The following ATP13A5 variants were observed in gnomAD, a reference collection of about 807,000 sequenced individuals.
ATP13A5 encodes the protein probable cation-transporting ATPase 13A5.
Under a neutral mutation model 150.2 loss-of-function variants are expected in ATP13A5, and 149 were observed. That is an observed-to-expected ratio of 0.99 (90% CI 0.87 to 1.14). The LOEUF (loss-of-function observed/expected upper bound fraction) is 1.14, where lower values mean the gene tolerates loss of function less well. Ranked by LOEUF, ATP13A5 falls within the 50% of genes most tolerant of loss-of-function variation. The pLI is 0.00. For synonymous variants in ATP13A5, 497 were observed against 522.2 expected (o/e 0.95, Z 0.66); for missense variants, 1,383 against 1,449.3 (o/e 0.95, Z 0.74).
At position 193,284,919 on chromosome 3, in the gene ATP13A5, G is replaced by T. The variant is rs375097758; in HGVS notation, c.3221C>A (p.Thr1074Lys). ...ATTAAACTTTATATACTTACAGTTT[G>T]TATAGATGGGTTTTCGAAATGGCTT... ...KGKPFRKPIY[T>K]NYIFSFLLLA... The change falls in exon 27 of 30, where the codon ACA becomes AAA. Residue 1074 changes from threonine to lysine, a missense_variant. Thr to Lys is a moderately conservative substitution (Grantham distance 78). Coordinates refer to ENST00000342358, the MANE Select transcript of ATP13A5 (RefSeq NM_198505.4). 2 of 1,611,918 alleles carry T rather than the reference G, an allele frequency of 1.2e-6. No individual in the cohort carries two copies. The highest frequency in any genetic ancestry group is 1.7e-6 in the Non-Finnish European group (2 of 1,178,454).
rs1425005855 is a variant in ATP13A5 at position 193,327,029 on chromosome 3, T to C, written c.1490A>G (p.Asp497Gly). Reference protein sequence around the residue: ...KTGTLTEDGLDLWGTVPTADN... With the variant: ...KTGTLTEDGLGLWGTVPTADN... ...AGCAGTAGGGACAGTCCCCCAGAGGTCCAGCCCATCTTCAGTGAGAGTGCC... is the reference window on the plus strand; with the variant it reads ...AGCAGTAGGGACAGTCCCCCAGAGGCCCAGCCCATCTTCAGTGAGAGTGCC... Residue 497 changes from aspartate to glycine, a missense_variant, in exon 13 of 30, where the codon GAC becomes GGC. By Grantham distance (94) the Asp-to-Gly change is moderately conservative. Transcript: ENST00000342358. The C allele has an allele frequency of 1.9e-6, 3 of 1,611,100 alleles. No homozygotes were observed. Among genetic ancestry groups the C allele is most frequent in the Non-Finnish European group, 1.7e-6 (2 of 1,179,412 alleles).
intron 6 of ATP13A5, 34 bp downstream of exon 6, chr3:193,354,092 AT>A: frequency 6.6e-7 from 1 of 1,521,864 alleles, no homozygotes; most frequent in Non-Finnish European, 8.8e-7. Flanking sequence ...GCAGAAATCT[AT>A]TTTTTCAAAA....
intron 25 of ATP13A5, among the ~76,000 whole-genome samples, chr3:193,296,644 C>G (rs556599138): frequency 1.3e-4 from 20 of 151,886 alleles, no homozygotes; most frequent in African/African-American, 4.1e-4. Context: ...GTTCTTTTTG[C>G]TTATGATTGT....
In ATP13A5 at chr3:193,307,270, G is replaced by A. The variant is rs375251485; in HGVS notation, c.2568+57C>T. 5.0e-5 allele frequency: 81 copies of A among 1,612,500 alleles called. No homozygotes were observed. The East Asian group carries it at 1.3e-3, about 26-fold the overall frequency. On this transcript the variant is annotated intron_variant, in intron 22 of 29. Transcript: ENST00000342358. ...GAGACAAACCCCAGGAGAGCCTGAGGTCCTCCAGAGGGATATTAGTGAGTG... is the reference window on the plus strand; with the variant it reads ...GAGACAAACCCCAGGAGAGCCTGAGATCCTCCAGAGGGATATTAGTGAGTG...
intron 14 of ATP13A5, chr3:193,323,502 G>A (rs890557348): frequency 1.3e-5 from 2 of 152,180 alleles, no homozygotes; most frequent in Non-Finnish European, 2.9e-5. Flanking sequence ...TCCCAACCAA[G>A]TATGTTATTT....
At chr3:193,302,129 C>A (rs749537543) in intron 23 of ATP13A5, among the ~76,000 whole-genome samples, 16 of 152,106 alleles carry the variant, frequency 1.1e-4, no homozygotes, top group Non-Finnish European at 2.1e-4. Context: ...TGGGACGTGA[C>A]CCACATCCAC....
intron 9 of ATP13A5, among the ~76,000 whole-genome samples, chr3:193,336,722 C>G (rs535924513): frequency 6.6e-6 from 1 of 152,248 alleles, no homozygotes; most frequent in South Asian, 2.1e-4. Context: ...TTTATAGCAG[C>G]ATGATTTATA....
At chr3:193,295,195 A>C (rs1718115661) in intron 25 of ATP13A5, among the ~76,000 whole-genome samples, 1 of 152,116 alleles carries the variant, frequency 6.6e-6, no homozygotes, top group African/African-American at 2.4e-5. Context: ...ATTTTTCAAT[A>C]AAAGATTTCA....
rs144247133 is a variant in ATP13A5 at position 193,331,311 on chromosome 3, C to T, written c.1273G>A (p.Val425Ile). 6 of 1,611,832 alleles carry T rather than the reference C, an allele frequency of 3.7e-6. No individual in the cohort carries two copies. In the African/African-American group the frequency reaches 4.0e-5, roughly 11 times the overall value. Reference sequence around the variant, plus strand: ...ATGGTCACAGTATCTTTTGGAGGAACCTGGGAGAGGACAGACATTTTCATA... The same window carrying T: ...ATGGTCACAGTATCTTTTGGAGGAATCTGGGAGAGGACAGACATTTTCATA... ...YALGVYMYHGVPPKDTVTMAL... is the reference protein window; with the variant it reads ...YALGVYMYHGIPPKDTVTMAL... The change falls in exon 12 of 30, where the codon GTT becomes ATT. Residue 425 changes from valine (V) to isoleucine (I), a missense_variant and splice_region_variant. Coordinates refer to ENST00000342358, the MANE Select transcript of ATP13A5 (RefSeq NM_198505.4).
intron 1 of ATP13A5, among the ~76,000 whole-genome samples, chr3:193,377,135 G>A (rs556480125): frequency 2.0e-5 from 3 of 152,176 alleles, no homozygotes; most frequent in Non-Finnish European, 4.4e-5. Flanking sequence ...AAAGCAACTA[G>A]TTAGAGAAGA....
At chr3:193,326,193 G>A (rs536385947) in intron 13 of ATP13A5, among the ~76,000 whole-genome samples, 2 of 152,308 alleles carry the variant, frequency 1.3e-5, no homozygotes, top group African/African-American at 4.8e-5. Context: ...AGGGTACTTA[G>A]AGCTTAAGAG....
rs144839066 is a variant in ATP13A5, at chr3:193,358,685, C to T, written c.536+3696G>A. On this transcript the variant is annotated intron_variant, in intron 5 of 29. Transcript: ENST00000342358. ...GCCTAAATTGCATGTTTTCAGATAG[C>T]CTCAGGAAAACTCGAGAAGTTGGGC... Among the ~76,000 whole-genome samples the T allele has an allele frequency of 5.7e-4, 87 of 152,262 alleles. No homozygotes were observed. The East Asian group carries it at 0.017, about 29-fold the overall frequency.
intron 17 of ATP13A5, among the ~76,000 whole-genome samples, chr3:193,315,885 A>C (rs1037483447): frequency 5.2e-5 from 6 of 115,704 alleles, no homozygotes; most frequent in Non-Finnish European, 9.2e-5. Flanking sequence ...TGTGTGTGTT[A>C]AAATCACTTC....
At chr3:193,276,992 A>G (rs1717247817) in intron 28 of ATP13A5, among the ~76,000 whole-genome samples, 162 bp from the exon 29 acceptor site, 1 of 152,214 alleles carries the variant, frequency 6.6e-6, no homozygotes, top group South Asian at 2.1e-4. Flanking sequence ...CTCAAAGCCT[A>G]TAAATAAATG....
rs758915961 is a variant in ATP13A5 at position 193,364,290 on chromosome 3, A to G, written c.64-10T>C. The stretch of plus-strand genomic sequence containing the variant: ...GGTAACCAAACACCTCCTGGAGAAT[A>G]AATTTAAAAGATCGCTCTATTTTTC... On this transcript the variant is annotated splice_polypyrimidine_tract_variant and intron_variant, in intron 1 of 29. Coordinates refer to ENST00000342358, the MANE Select transcript of ATP13A5 (RefSeq NM_198505.4). 1.2e-6 allele frequency: 2 copies of G among 1,602,730 alleles called. No individual in the cohort carries two copies. The highest frequency in any genetic ancestry group is 1.7e-6 in the Non-Finnish European group (2 of 1,174,432).
At chr3:193,364,539 A>G (rs1024841654) in intron 1 of ATP13A5, among the ~76,000 whole-genome samples, 5 of 152,176 alleles carry the variant, frequency 3.3e-5, no homozygotes, top group Non-Finnish European at 5.9e-5. Context: ...TTGCTTCTAT[A>G]TATTCATAAG....
At chr3:193,305,020 TCAACAG>T (rs1718555942) in intron 23 of ATP13A5, among the ~76,000 whole-genome samples, 1 of 53,200 alleles carries the variant, frequency 1.9e-5, no homozygotes, top group Non-Finnish European at 6.4e-5. Context: ...CATGATCCAG[TCAACAG>T]GCTGGGAACC....
intron 27 of ATP13A5, among the ~76,000 whole-genome samples, chr3:193,283,532 A>G (rs532474159): frequency 1.3e-5 from 2 of 152,296 alleles, no homozygotes; most frequent in Admixed American, 1.3e-4. Context: ...ACTAAAACCA[A>G]ATAAGACACT....
rs1198686434 is a variant in ATP13A5, at chr3:193,276,841, A to G, written c.3316-11T>C. ...TATGGTTGGGATCAACTGTTGAAAA[A>G]CAAATACCATTATTATATTTTGCAC... On this transcript the variant is annotated splice_polypyrimidine_tract_variant and intron_variant, in intron 28 of 29. Transcript: ENST00000342358. 3.1e-6 allele frequency: 5 copies of G among 1,600,524 alleles called. No individual in the cohort carries two copies. Among genetic ancestry groups the G allele is most frequent in the Non-Finnish European group, 4.3e-6 (5 of 1,169,192 alleles).
Sources: allele counts gnomAD v4.1 joint callset (sites outside exome capture counted in the v4.1 genomes callset), GRCh38; gene constraint gnomAD v4.1.1; transcripts MANE v1.5; gene names NCBI Gene and HGNC (gene_info 2026-07-23, HGNC 2026-07-21).